MED27: variants seen among roughly 807,000 people sequenced by gnomAD.
The protein encoded by MED27 is mediator of RNA polymerase II transcription subunit 27.
A neutral mutation model predicts 38.2 loss-of-function variants in MED27; 30 were observed. The ratio of observed to expected loss-of-function variants is 0.79; its 90% CI spans 0.59 to 1.07. The LOEUF is 1.07. Ranked by LOEUF, MED27 falls within the 50% of genes least tolerant of loss-of-function variation. MED27 has a pLI of 0.00. For missense variants in MED27, 289 were observed against 397.5 expected, an observed-to-expected ratio of 0.73 and a Z score of 2.32; for synonymous variants, 122 against 153.5, an observed-to-expected ratio of 0.79 and a Z score of 1.52.
intron 2 of MED27, among the ~76,000 whole-genome samples, chr9:132,027,563 G>T (rs1239818485): frequency 3.3e-5 from 5 of 152,180 alleles, no homozygotes; most frequent in African/African-American, 1.2e-4. Context: ...CCAAGAATCT[G>T]CCAGTACACA....
At chr9:131,880,349 G>A (rs1839014737) in intron 6 of MED27, among the ~76,000 whole-genome samples, 1 of 152,194 alleles carries the variant, frequency 6.6e-6, no homozygotes, top group African/African-American at 2.4e-5. Context: ...GTTAGGAAGA[G>A]AGAGGACTCA....
intron 2 of MED27, among the ~76,000 whole-genome samples, chr9:132,070,864 A>C (rs548840487): frequency 8.8e-6 from 1 of 113,094 alleles, no homozygotes; most frequent in Non-Finnish European, 1.8e-5. Context: ...ACTGCCCCCC[A>C]CACACTAATT....
At chr9:131,898,802 T>C (rs943502324) in intron 4 of MED27, among the ~76,000 whole-genome samples, 10 of 151,760 alleles carry the variant, frequency 6.6e-5, no homozygotes, top group Non-Finnish European at 1.5e-4. Flanking sequence ...CCAGGCTGGT[T>C]TTGAACTCCT....
At chr9:131,866,601 C>T (rs1838740795) in intron 6 of MED27, among the ~76,000 whole-genome samples, 1 of 152,174 alleles carries the variant, frequency 6.6e-6, no homozygotes. Flanking sequence ...GGCTCCATCC[C>T]TTCTAGCAGT....
At chr9:132,071,739 C>T (rs1423894903) in intron 2 of MED27, among the ~76,000 whole-genome samples, 1 of 150,900 alleles carries the variant, frequency 6.6e-6, no homozygotes, top group Non-Finnish European at 1.5e-5. Context: ...GAGTAATGCA[C>T]GTCCATGAAC....
intron 2 of MED27, among the ~76,000 whole-genome samples, chr9:132,033,721 T>C (rs1833012430): frequency 6.6e-6 from 1 of 152,258 alleles, no homozygotes; most frequent in African/African-American, 2.4e-5. Flanking sequence ...TTTTTGCTTT[T>C]GTCAGTGTAA....
At chr9:132,039,468 A>G (rs965068427) in intron 2 of MED27, among the ~76,000 whole-genome samples, 2 of 152,232 alleles carry the variant, frequency 1.3e-5, no homozygotes, top group East Asian at 1.9e-4. Context: ...CAAGTGCTCA[A>G]TAAGTGCCGG....
chr9:132,031,769 G>T (rs538376899), intron 2 of MED27: 1 of 151,914 alleles, frequency 6.6e-6, no homozygotes, highest in Non-Finnish European at 1.5e-5. Flanking sequence ...TATGTTCCTT[G>T]GATGAAAATA....
chr9:131,909,730 A>G (rs1286930052), intron 4 of MED27, among the ~76,000 whole-genome samples: 1 of 152,266 alleles, frequency 6.6e-6, no homozygotes, highest in Non-Finnish European at 1.5e-5. Flanking sequence ...AAAGTGGAAC[A>G]GTTGCAAGTT....
chr9:132,038,260 C>T (rs914758638), intron 2 of MED27, among the ~76,000 whole-genome samples: 5 of 139,604 alleles, frequency 3.6e-5, no homozygotes, highest in Non-Finnish European at 6.1e-5. Flanking sequence ...GGCGGGATCT[C>T]GGCTCACTGC....
chr9:131,910,165 C>T (rs773495836), intron 4 of MED27, among the ~76,000 whole-genome samples: 22 of 152,190 alleles, frequency 1.4e-4, no homozygotes, highest in Non-Finnish European at 2.5e-4. Context: ...GCTCTAGGCA[C>T]TTCCTTCTCA....
At chr9:131,916,813 G>C (rs571026549) in intron 4 of MED27, among the ~76,000 whole-genome samples, 3 of 152,222 alleles carry the variant, frequency 2.0e-5, no homozygotes, top group African/African-American at 7.2e-5. Flanking sequence ...CCATCAAATG[G>C]CATTCTAAAG....
At chr9:131,949,667 A>C (rs764910443) in intron 3 of MED27, among the ~76,000 whole-genome samples, 2 of 152,192 alleles carry the variant, frequency 1.3e-5, no homozygotes, top group Non-Finnish European at 2.9e-5. Context: ...GTAGTAACAA[A>C]ATGAAATCAA....
rs1451556952 is a variant in MED27 at position 131,997,738 on chromosome 9, T to C, written c.479+16599A>G. On this transcript the variant is annotated intron_variant, in intron 3 of 7. Coordinates refer to ENST00000292035, the MANE Select transcript of MED27 (RefSeq NM_004269.4). The surrounding 1 kb of genome is among the most constrained non-coding windows in gnomAD (Gnocchi z 4.0). ...TTTGAATTCCAGTCCCAGCACTTCC[T>C]AGCTGGGGGCCTCCAGACAAGGTGG... Among the ~76,000 whole-genome samples the C allele has an allele frequency of 1.3e-5, 2 of 152,210 alleles. No individual in the cohort carries two copies.
intron 2 of MED27, among the ~76,000 whole-genome samples, chr9:132,045,220 C>G (rs755210082): frequency 3.4e-4 from 52 of 152,128 alleles, no homozygotes; most frequent in South Asian, 1.5e-3. Flanking sequence ...GATAGATACT[C>G]AAGATTGTTC....
Position 131,883,745 on chromosome 9 carries a change from T to G in MED27, c.723+313A>C. 6.6e-6 allele frequency among the ~76,000 whole-genome samples: 1 copy of G among 152,200 alleles called. No homozygotes were observed. The highest frequency in any genetic ancestry group is 1.9e-4 in the East Asian group (1 of 5,194). On this transcript the variant is annotated intron_variant, in intron 6 of 7. Transcript: ENST00000292035. The surrounding 1 kb of genome is among the most constrained non-coding windows in gnomAD (Gnocchi z 4.2). The stretch of plus-strand genomic sequence containing the variant: ...CTTTGTAGTAATATAGTCCTGAGTT[T>G]TGACAAACATGTACGGCTGTGTAAC...
At chr9:131,898,686 G>T (rs1035570133) in intron 4 of MED27, among the ~76,000 whole-genome samples, 1 of 151,544 alleles carries the variant, frequency 6.6e-6, no homozygotes, top group Admixed American at 6.6e-5. Flanking sequence ...CAAAGTTCAA[G>T]CGATTCTCCT....
At chr9:131,871,819 T>C (rs1564261979) in intron 6 of MED27, among the ~76,000 whole-genome samples, 1 of 152,236 alleles carries the variant, frequency 6.6e-6, no homozygotes, top group Admixed American at 6.5e-5. Flanking sequence ...GCTGGGGTTA[T>C]GGGCCAACCT....
rs1589252656 is a variant in MED27 at position 131,989,913 on chromosome 9, A to G, written c.479+24424T>C. On this transcript the variant is annotated intron_variant, in intron 3 of 7. Coordinates refer to ENST00000292035, the MANE Select transcript of MED27 (RefSeq NM_004269.4). ...TATCTACCTGGCAAGTCACTGGGCC[A>G]GCAGAGCCTTGCTCAAAATACCTTG... Among the ~76,000 whole-genome samples the G allele has an allele frequency of 2.6e-5, 4 of 152,334 alleles. No homozygotes were observed. In the South Asian group the frequency reaches 8.3e-4, roughly 32 times the overall value.
Sources: gnomAD v4.1 joint callset for allele counts (sites outside exome capture counted in the v4.1 genomes callset) on GRCh38, gnomAD v4.1.1 for gene constraint, Gnocchi (gnomAD v3.1) non-coding constraint, MANE v1.5 for transcripts, NCBI Gene and HGNC (gene_info 2026-07-23, HGNC 2026-07-21) for gene names.